Variants in MAGI2 observed in about 807,000 individuals in gnomAD.
The protein encoded by MAGI2 is membrane-associated guanylate kinase, WW and PDZ domain-containing protein 2.
Under a neutral mutation model 133.3 loss-of-function variants are expected in MAGI2, and 35 were observed. The observed-to-expected ratio is 0.26, with a 90% CI of 0.20 to 0.35. The LOEUF (loss-of-function observed/expected upper bound fraction) is 0.35, where lower values mean the gene tolerates loss of function less well. Ranked by LOEUF, MAGI2 falls within the 10% of genes least tolerant of loss-of-function variation. MAGI2 has a pLI of 1.00. For synonymous variants in MAGI2, 729 were observed against 710.6 expected (o/e 1.03, Z -0.41); for missense variants, 1,636 against 1,863.4 (o/e 0.88, Z 2.25).
intron 20 of MAGI2, among the ~76,000 whole-genome samples, chr7:78,115,834 A>G (rs4412308): frequency 0.83 from 126,451 of 152,168 alleles, 52,927 homozygotes; most frequent in Non-Finnish European, 0.88. Context: ...AAAAAAAGTC[A>G]ACTGCTTTTC....
rs543878392 is a variant in MAGI2 at position 79,072,538 on chromosome 7, T to G, written c.302-65332A>C. Among the ~76,000 whole-genome samples, 12 of 152,140 alleles carry G rather than the reference T, an allele frequency of 7.9e-5. No individual in the cohort carries two copies. In the South Asian group the frequency reaches 8.3e-4, roughly 10 times the overall value. ...GGAAGACTACTATGTGGTTGATGTA[T>G]GAGAAAGGTAAATCATAGGAACTGA... On this transcript the variant is annotated intron_variant, in intron 1 of 21. Coordinates refer to ENST00000354212, the MANE Select transcript of MAGI2 (RefSeq NM_012301.4).
At chr7:78,893,494 C>T (rs1328282437) in intron 2 of MAGI2, among the ~76,000 whole-genome samples, 4 of 151,882 alleles carry the variant, frequency 2.6e-5, no homozygotes, top group East Asian at 1.9e-4. Flanking sequence ...TGTCCAACAA[C>T]GATAGACTGG....
chr7:79,247,068 A>G (rs1329642617), intron 1 of MAGI2, among the ~76,000 whole-genome samples: 1 of 152,142 alleles, frequency 6.6e-6, no homozygotes, highest in Non-Finnish European at 1.5e-5. Flanking sequence ...ATCCTCAAAC[A>G]TGGAGGAGAA....
intron 20 of MAGI2, among the ~76,000 whole-genome samples, chr7:78,097,219 T>C (rs1413340913): frequency 6.6e-6 from 1 of 152,164 alleles, no homozygotes; most frequent in Non-Finnish European, 1.5e-5. Context: ...TTGGTGGAAG[T>C]GTAAATTAGT....
Position 79,271,046 on chromosome 7 carries a change from T to C in MAGI2, c.301+181974A>G, listed in dbSNP as rs1055980970. On this transcript the variant is annotated intron_variant, in intron 1 of 21. Coordinates refer to ENST00000354212, the MANE Select transcript of MAGI2 (RefSeq NM_012301.4). Reference sequence around the variant, plus strand: ...TTCACAGATCCCAACATCCAACTTATGGCTCTCTTTGATTCCAGTCTCTGA... The same window carrying C: ...TTCACAGATCCCAACATCCAACTTACGGCTCTCTTTGATTCCAGTCTCTGA... Among the ~76,000 whole-genome samples the C allele has an allele frequency of 3.9e-5, 6 of 152,120 alleles. No homozygotes were observed. In the East Asian group the frequency reaches 9.7e-4, roughly 24 times the overall value.
intron 4 of MAGI2, among the ~76,000 whole-genome samples, chr7:78,510,102 T>A (rs1460406937): frequency 6.6e-6 from 1 of 152,196 alleles, no homozygotes; most frequent in Non-Finnish European, 1.5e-5. Flanking sequence ...GGGAACATAT[T>A]TGTAGTTCAT....
chr7:78,957,512 T>G (rs1046267469), intron 2 of MAGI2, among the ~76,000 whole-genome samples: 1 of 152,108 alleles, frequency 6.6e-6, no homozygotes, highest in East Asian at 1.9e-4. Flanking sequence ...ATACATAAAT[T>G]TACTATATGT....
intron 1 of MAGI2, among the ~76,000 whole-genome samples, chr7:79,149,317 C>T (rs879817246): frequency 2.0e-5 from 3 of 151,664 alleles, no homozygotes; most frequent in East Asian, 1.9e-4. Flanking sequence ...CAGGTTTTCA[C>T]GCCCTCAATG....
At chr7:79,049,364 A>G (rs1812471634) in intron 1 of MAGI2, among the ~76,000 whole-genome samples, 1 of 152,210 alleles carries the variant, frequency 6.6e-6, no homozygotes, top group Non-Finnish European at 1.5e-5. Context: ...GACAAATGTG[A>G]TAATATAAGT....
At chr7:78,993,025 A>G (rs773213305) in intron 2 of MAGI2, among the ~76,000 whole-genome samples, 7 of 152,068 alleles carry the variant, frequency 4.6e-5, no homozygotes, top group Admixed American at 6.6e-5. Flanking sequence ...AAATTTTGTT[A>G]GTGTCACATT....
chr7:78,611,344 T>A (rs1806419933), intron 3 of MAGI2, among the ~76,000 whole-genome samples: 1 of 152,216 alleles, frequency 6.6e-6, no homozygotes, highest in African/African-American at 2.4e-5. Flanking sequence ...ATCACATTCC[T>A]ATATCCTGTG....
Position 78,077,620 on chromosome 7 carries a change from A to T in MAGI2, c.3706+1327T>A, listed in dbSNP as rs1200694409. Among the ~76,000 whole-genome samples, 3 of 103,004 alleles carry T rather than the reference A, an allele frequency of 2.9e-5. 1 individual carries two copies. Among genetic ancestry groups the T allele is most frequent in the Admixed American group, 2.8e-4 (3 of 10,898 alleles). 67.6% of individuals were successfully genotyped at this position (103,004 alleles called of 152,430 possible). On this transcript the variant is annotated intron_variant, in intron 21 of 21. Coordinates refer to ENST00000354212, the MANE Select transcript of MAGI2 (RefSeq NM_012301.4). ...TAAGGTCTTTGAGTTTAGATATTTCATTTGAACTCAGGGTATAGATCTGCC... is the reference window on the plus strand; with the variant it reads ...TAAGGTCTTTGAGTTTAGATATTTCTTTTGAACTCAGGGTATAGATCTGCC...
At chr7:78,991,549 T>A (rs1805783812) in intron 2 of MAGI2, among the ~76,000 whole-genome samples, 1 of 151,802 alleles carries the variant, frequency 6.6e-6, no homozygotes, top group Admixed American at 6.6e-5. Context: ...GTAAGTTATA[T>A]AATCCTGGGA....
At chr7:79,452,350 C>T (rs924157715) in intron 1 of MAGI2, among the ~76,000 whole-genome samples, 2 of 152,180 alleles carry the variant, frequency 1.3e-5, no homozygotes, top group African/African-American at 4.8e-5. Context: ...TTAGTCAGTA[C>T]GCACGTGACG....
intron 9 of MAGI2, among the ~76,000 whole-genome samples, chr7:78,324,153 C>CT (rs1554344833): frequency 0.018 from 2,625 of 143,884 alleles, 48 homozygotes; most frequent in African/African-American, 0.037. Context: ...CACTACACTA[C>CT]ACACTACACT....
chr7:78,560,527 T>G (rs898322710), intron 3 of MAGI2, among the ~76,000 whole-genome samples: 6 of 152,196 alleles, frequency 3.9e-5, no homozygotes, highest in African/African-American at 1.4e-4. Context: ...ATGTAAACGT[T>G]AATCTAAATA....
intron 2 of MAGI2, among the ~76,000 whole-genome samples, chr7:78,646,400 T>C (rs984156601): frequency 6.6e-6 from 1 of 152,150 alleles, no homozygotes; most frequent in Non-Finnish European, 1.5e-5. Context: ...AAGAAAAAAT[T>C]GTATTTAGGA....
intron 2 of MAGI2, among the ~76,000 whole-genome samples, chr7:78,863,425 GGAGT>G (rs764559715): frequency 4.6e-5 from 7 of 152,168 alleles, no homozygotes; most frequent in Non-Finnish European, 7.4e-5. Context: ...GGTGAGGGAG[GGAGT>G]GAGAGAGAAA....
chr7:79,092,312 A>G (rs1384815323), intron 1 of MAGI2, among the ~76,000 whole-genome samples: 2 of 152,154 alleles, frequency 1.3e-5, no homozygotes, highest in African/African-American at 4.8e-5. Flanking sequence ...AGTTCCTAAA[A>G]CATATTCATT....
Sources: allele counts gnomAD v4.1 joint callset (sites outside exome capture counted in the v4.1 genomes callset), GRCh38; gene constraint gnomAD v4.1.1; transcripts MANE v1.5; gene names NCBI Gene and HGNC (gene_info 2026-07-23, HGNC 2026-07-21).